DENND2C: variants seen among roughly 807,000 people sequenced by gnomAD.
DENND2C encodes the protein DENN domain-containing protein 2C.
DENND2C carries 72 observed loss-of-function variants against 112.4 expected under a neutral mutation model. The ratio of observed to expected loss-of-function variants is 0.64; its 90% CI spans 0.53 to 0.78. The LOEUF (loss-of-function observed/expected upper bound fraction) is 0.78. Ranked by LOEUF, DENND2C falls within the 30% of genes least tolerant of loss-of-function variation. The pLI is 0.00. For synonymous variants in DENND2C, 329 were observed against 381.6 expected, an observed-to-expected ratio of 0.86 and a Z score of 1.61; for missense variants, 992 against 1,113.8, an observed-to-expected ratio of 0.89 and a Z score of 1.56.
At chr1:114,594,694 A>G in intron 17 of DENND2C, 116 bp from the exon 18 acceptor site, 2 of 794,478 alleles carry the variant, frequency 2.5e-6, no homozygotes, top group South Asian at 1.8e-5. Flanking sequence ...TATTTTGGCT[A>G]AAGAGTCAGT....
chr1:114,611,114 T>C lies in DENND2C; in HGVS notation c.1328A>G (p.Glu443Gly). The change falls in exon 9 of 21, where the codon GAA becomes GGA. Residue 443 changes from glutamate to glycine, a missense_variant. Glu to Gly is a moderately conservative substitution (Grantham distance 98). Around this residue, in one of 3 missense-constraint regions of DENND2C, gnomAD observed 516 missense variants for 623.6 expected, o/e 0.83. Transcript: ENST00000393274. Reference sequence around the variant, plus strand: ...GGCATCACTTTCGTTCCCACTGGTTTCACCTGAAAAGAGAGAAGGAGTTTC... The same window carrying C: ...GGCATCACTTTCGTTCCCACTGGTTCCACCTGAAAAGAGAGAAGGAGTTTC... Reference protein sequence around the residue: ...TGKELPPTKGETSGNESDAEY... With the variant: ...TGKELPPTKGGTSGNESDAEY... 6.2e-7 allele frequency: 1 copy of C among 1,614,154 alleles called. No homozygotes were observed. Among genetic ancestry groups the C allele is most frequent in the Non-Finnish European group, 8.5e-7 (1 of 1,179,998 alleles).
At chr1:114,631,135 G>T (rs1338460542) in intron 3 of DENND2C, among the ~76,000 whole-genome samples, 1 of 152,184 alleles carries the variant, frequency 6.6e-6, no homozygotes, top group East Asian at 1.9e-4. Context: ...CAGCACTTTG[G>T]GAGGCCAAGG....
At chr1:114,655,883 A>ATATATATATCTATATATATAT (rs1557960847) in intron 1 of DENND2C, among the ~76,000 whole-genome samples, 1 of 125,890 alleles carries the variant, frequency 7.9e-6, no homozygotes, top group African/African-American at 2.7e-5. Context: ...TATATGTATA[A>ATATATATATCTATATATATAT]ATATATATAT....
Position 114,670,038 on chromosome 1 carries a change from C to T in DENND2C, c.-629G>A, listed in dbSNP as rs1181423895. 1.3e-5 allele frequency: 2 copies of T among 152,954 alleles called. No homozygotes were observed. The highest frequency in any genetic ancestry group is 2.9e-5 in the Non-Finnish European group (2 of 68,678). The allele number at this position is 152,954 out of a possible 1,614,324, so 9.5% of individuals were successfully genotyped here. ...CCAAGCTAGTCTCCCGGGTATCACT[C>T]GGGTCCGCTCCGTCCCGCCCCCGCA... On this transcript the variant is annotated 5_prime_UTR_variant, in exon 1 of 21. Transcript: ENST00000393274.
intron 2 of DENND2C, among the ~76,000 whole-genome samples, chr1:114,648,098 G>A (rs1002574138): frequency 6.6e-6 from 1 of 152,204 alleles, no homozygotes; most frequent in Non-Finnish European, 1.5e-5. Flanking sequence ...GTGAGTCACC[G>A]CGCCTGGCCT....
At chr1:114,641,766 G>C (rs184690099) in intron 3 of DENND2C, among the ~76,000 whole-genome samples, 4 of 151,988 alleles carry the variant, frequency 2.6e-5, no homozygotes, top group African/African-American at 9.7e-5. Flanking sequence ...ACGCACAATG[G>C]ACAAATACAA....
chr1:114,625,220 T>C lies in DENND2C; in HGVS notation c.765A>G (p.Glu255=). The C allele has an allele frequency of 6.2e-7, 1 of 1,612,662 alleles. No homozygotes were observed. Residue 255 remains glutamate, a synonymous_variant, in exon 4 of 21, where the codon GAA becomes GAG. Coordinates refer to ENST00000393274, the MANE Select transcript of DENND2C (RefSeq NM_001256404.2). ...QSSLASSQEP[E]PKKYGGKIRG... ...TGATTTTTCCACCATATTTCTTTGG[T>C]TCAGGTTCCTGAGAAGAGGCCAAAG...
At chr1:114,618,028 G>A (rs1045018884) in intron 8 of DENND2C, among the ~76,000 whole-genome samples, 20 of 148,724 alleles carry the variant, frequency 1.3e-4, no homozygotes, top group African/African-American at 4.7e-4. Flanking sequence ...TTGCTCTGTC[G>A]TCCAGACTGG....
In DENND2C at chr1:114,623,044, C is replaced by T. The variant is rs1656210438; in HGVS notation, c.999G>A (p.Trp333Ter). ...EDIPVQPLPM[W>*]RSPSAWKLPP... ...GTAGCTTCCATGCTGAAGGGGATCT[C>T]CACATAGGTAAAGGCTGCACTGGAA... Residue 333 changes from tryptophan (W) to a stop codon, truncating the protein, a stop_gained, in exon 6 of 21, where the codon TGG becomes TGA. Transcript: ENST00000393274. LOFTEE classifies it high-confidence loss of function. 6.2e-7 allele frequency: 1 copy of T among 1,613,006 alleles called. No individual in the cohort carries two copies. The highest frequency in any genetic ancestry group is 1.1e-5 in the South Asian group (1 of 90,966).
Position 114,649,295 on chromosome 1 carries a change from A to G in DENND2C, c.-316-3736T>C, listed in dbSNP as rs532722714. On this transcript the variant is annotated intron_variant, in intron 2 of 20. Coordinates refer to ENST00000393274, the MANE Select transcript of DENND2C (RefSeq NM_001256404.2). ...TCCTTTTAAAAATCCCCTTCAAAGTAAAAAATAACTGTCCCAAACTAGAAC... is the reference window on the plus strand; with the variant it reads ...TCCTTTTAAAAATCCCCTTCAAAGTGAAAAATAACTGTCCCAAACTAGAAC... 5.3e-5 allele frequency among the ~76,000 whole-genome samples: 8 copies of G among 152,242 alleles called. No individual in the cohort carries two copies. In the East Asian group the frequency reaches 1.5e-3, roughly 29 times the overall value.
At chr1:114,637,502 T>C (rs1271707380) in intron 3 of DENND2C, among the ~76,000 whole-genome samples, 1 of 151,934 alleles carries the variant, frequency 6.6e-6, no homozygotes, top group Non-Finnish European at 1.5e-5. Flanking sequence ...TACACATTAA[T>C]GTACTGGAAT....
intron 7 of DENND2C, among the ~76,000 whole-genome samples, chr1:114,620,202 C>T (rs12021674): frequency 0.13 from 20,352 of 152,120 alleles, 1,963 homozygotes; most frequent in East Asian, 0.41. Context: ...ATTTGTATTG[C>T]ATAAGGGACA....
At position 114,645,451 on chromosome 1, in the gene DENND2C, G is replaced by A. The variant is rs1656954229; in HGVS notation, c.-208C>T. 6.6e-6 allele frequency: 1 copy of A among 152,182 alleles called. No individual in the cohort carries two copies. The allele number at this position is 152,182 out of a possible 1,614,324, so 9.4% of individuals were successfully genotyped here. A position where few individuals can be genotyped will look rare whatever the true frequency, so the allele number is the denominator to read the frequency against. ...ACAGGCCTCACAAGAAACTTACCCT[G>A]TTGGCACCTTGATGTTAGATTTCTA... On this transcript the variant is annotated 5_prime_UTR_variant, in exon 3 of 21. Transcript: ENST00000393274.
rs1655014688 is a variant in DENND2C at position 114,585,459 on chromosome 1, C to T, written c.*141G>A. 1 of 813,816 alleles carries T rather than the reference C, an allele frequency of 1.2e-6. No individual in the cohort carries two copies. The highest frequency in any genetic ancestry group is 1.8e-5 in the South Asian group (1 of 56,310). The allele number at this position is 813,816 out of a possible 1,614,324, so 50.4% of individuals were successfully genotyped here. On this transcript the variant is annotated 3_prime_UTR_variant, in exon 21 of 21. Coordinates refer to ENST00000393274, the MANE Select transcript of DENND2C (RefSeq NM_001256404.2). ...TTACTACAGCAGCAACAGGAGAATCCTCCTCTAACAGCCTGACTCGCTCTT... is the reference window on the plus strand; with the variant it reads ...TTACTACAGCAGCAACAGGAGAATCTTCCTCTAACAGCCTGACTCGCTCTT...
chr1:114,664,119 T>C (rs1557963665), intron 1 of DENND2C, among the ~76,000 whole-genome samples: 1 of 152,076 alleles, frequency 6.6e-6, no homozygotes, highest in Non-Finnish European at 1.5e-5. Context: ...TTAAAATTTT[T>C]TGTAGAGACG....
Position 114,623,066 on chromosome 1 carries a change from G to A in DENND2C, c.977C>T (p.Pro326Leu), listed in dbSNP as rs1257627638. 1 of 1,611,002 alleles carries A rather than the reference G, an allele frequency of 6.2e-7. No individual in the cohort carries two copies. ...PTKENPYEDI[P>L]VQPLPMWRSP... is the part of the protein sequence containing the mutation. ...TCTCCACATAGGTAAAGGCTGCACT[G>A]GAATATCTTCATATGGATTTTCTTT... The change falls in exon 6 of 21, where the codon CCA (proline) becomes CTA (leucine). Residue 326 changes from proline (P) to leucine (L), a missense_variant. By Grantham distance (98) the Pro-to-Leu change is moderately conservative (BLOSUM62 -3). Around this residue, in one of 3 missense-constraint regions of DENND2C, gnomAD observed 470 missense variants for 472.7 expected, o/e 0.99. Coordinates refer to ENST00000393274, the MANE Select transcript of DENND2C (RefSeq NM_001256404.2).
At chr1:114,633,984 T>C (rs1026059526) in intron 3 of DENND2C, among the ~76,000 whole-genome samples, 1 of 152,202 alleles carries the variant, frequency 6.6e-6, no homozygotes, top group Non-Finnish European at 1.5e-5. Context: ...TCTATGTTAA[T>C]ATCAGACAAG....
intron 11 of DENND2C, among the ~76,000 whole-genome samples, chr1:114,603,904 G>A (rs1016678528): frequency 6.6e-6 from 1 of 152,154 alleles, no homozygotes; most frequent in African/African-American, 2.4e-5. Context: ...AAGGGAATAT[G>A]ACAAAATATT....
At position 114,645,462 on chromosome 1, in the gene DENND2C, G is replaced by A. The variant is rs1475904925; in HGVS notation, c.-219C>T. 1 of 152,156 alleles carries A rather than the reference G, an allele frequency of 6.6e-6. No homozygotes were observed. The highest frequency in any genetic ancestry group is 1.5e-5 in the Non-Finnish European group (1 of 68,038). 9.4% of individuals were successfully genotyped at this position (152,156 alleles called of 1,614,324 possible). The stretch of plus-strand genomic sequence containing the variant: ...AAGAAACTTACCCTGTTGGCACCTT[G>A]ATGTTAGATTTCTACAGCCTCCAGA... On this transcript the variant is annotated 5_prime_UTR_variant, in exon 3 of 21. Coordinates refer to ENST00000393274, the MANE Select transcript of DENND2C (RefSeq NM_001256404.2).
Sources: allele counts gnomAD v4.1 joint callset (sites outside exome capture counted in the v4.1 genomes callset), GRCh38; gene constraint gnomAD v4.1.1; regional missense constraint gnomAD v4.1.1; transcripts MANE v1.5; gene names NCBI Gene and HGNC (gene_info 2026-07-23, HGNC 2026-07-21).